The following RTN4IP1 variants were observed in gnomAD, a reference collection of about 807,000 sequenced individuals.
RTN4IP1 encodes reticulon 4 interacting protein 1.
In RTN4IP1, 32 loss-of-function variants were observed where a neutral mutation model predicts 46.6. The observed-to-expected ratio is 0.69, with a 90% CI of 0.52 to 0.92. The LOEUF is 0.92. RTN4IP1 is among the 40% of genes least tolerant of loss of function. The pLI is 0.00. For missense variants in RTN4IP1, 424 were observed against 485.8 expected, an observed-to-expected ratio of 0.87 and a Z score of 1.20; for synonymous variants, 167 against 161.8, an observed-to-expected ratio of 1.03 and a Z score of -0.24.
chr6:106,589,818 A>G (rs2114638462), intron 6 of RTN4IP1, among the ~76,000 whole-genome samples: 1 of 152,352 alleles, frequency 6.6e-6, no homozygotes, highest in East Asian at 1.9e-4. Context: ...AAGCTATCAA[A>G]GAAAAGAAGT....
rs143576513 is a variant in RTN4IP1, at chr6:106,592,199, A to G, written c.771T>C (p.Ser257=). Residue 257 remains serine, a synonymous_variant, in exon 6 of 9, where the codon TCT becomes TCC. Coordinates refer to ENST00000369063, the MANE Select transcript of RTN4IP1 (RefSeq NM_032730.5). The part of the protein sequence containing the change: ...LGADDVIDYK[S]GSVEEQLKSL... ...ATTTCAACTGCTCTTCCACACTTCC[A>G]GATTTGTAATCAATTACATCGTCTG... The G allele has an allele frequency of 6.9e-5, 112 of 1,614,130 alleles. No homozygotes were observed. In the African/African-American group the frequency reaches 1.1e-3, roughly 17 times the overall value.
At chr6:106,595,099 G>A (rs920590253) in intron 5 of RTN4IP1, among the ~76,000 whole-genome samples, 1 of 152,174 alleles carries the variant, frequency 6.6e-6, no homozygotes, top group Non-Finnish European at 1.5e-5. Flanking sequence ...ACTGTGCCCG[G>A]CCTTAAGTCT....
rs182672019 is a variant in RTN4IP1, at chr6:106,609,066, C to T, written c.621-6144G>A. Among the ~76,000 whole-genome samples the T allele has an allele frequency of 3.6e-3, 552 of 152,310 alleles. 3 individuals are homozygous for T. The highest frequency in any genetic ancestry group is 5.8e-3 in the Admixed American group (88 of 15,292). Reference sequence around the variant, plus strand: ...ATGCTATAATTACCTGCTGAGGTCTCCTTTCCCTTGAAGGACCAAGTCCCA... The same window carrying T: ...ATGCTATAATTACCTGCTGAGGTCTTCTTTCCCTTGAAGGACCAAGTCCCA... On this transcript the variant is annotated intron_variant, in intron 4 of 8. Transcript: ENST00000369063.
chr6:106,578,031 C>T (rs893544904), intron 8 of RTN4IP1, among the ~76,000 whole-genome samples: 7 of 152,154 alleles, frequency 4.6e-5, no homozygotes, highest in African/African-American at 1.7e-4. Flanking sequence ...CATATATAAG[C>T]AAATATGTAT....
intron 4 of RTN4IP1, among the ~76,000 whole-genome samples, chr6:106,607,993 A>G (rs1237962324): frequency 6.6e-6 from 1 of 152,218 alleles, no homozygotes; most frequent in African/African-American, 2.4e-5. Flanking sequence ...TATCCAGAGG[A>G]AGGAGAATCA....
chr6:106,615,056 T>C (rs1776315799), intron 4 of RTN4IP1, among the ~76,000 whole-genome samples: 1 of 146,118 alleles, frequency 6.8e-6, no homozygotes, highest in South Asian at 2.2e-4. Flanking sequence ...CTCACTCTCC[T>C]TGCCTCCTCA....
upstream of RTN4IP1, chr6:106,629,800 C>T: frequency 1.4e-6 from 2 of 1,463,402 alleles, no homozygotes; most frequent in Non-Finnish European, 9.3e-7. Context: ...CGCATCTTGG[C>T]CCACCTCGCT....
At chr6:106,590,303 A>G (rs557221529) in intron 6 of RTN4IP1, among the ~76,000 whole-genome samples, 1 of 152,206 alleles carries the variant, frequency 6.6e-6, no homozygotes, top group Admixed American at 6.5e-5. Context: ...CAACAGAGTG[A>G]GACTTCATCT....
At chr6:106,601,524 C>T (rs1187788262) in intron 5 of RTN4IP1, among the ~76,000 whole-genome samples, 1 of 152,102 alleles carries the variant, frequency 6.6e-6, no homozygotes, top group Non-Finnish European at 1.5e-5. Context: ...TTCCAAGACT[C>T]TTTTTTTCCC....
chr6:106,589,712 C>T (rs9384623), intron 6 of RTN4IP1, among the ~76,000 whole-genome samples: 104,096 of 152,034 alleles, frequency 0.68, 37,456 homozygotes, highest in Non-Finnish European at 0.81. Flanking sequence ...GATTCAAATA[C>T]CTAAAAAGCT....
chr6:106,588,691 T>C (rs1012600703), intron 6 of RTN4IP1, among the ~76,000 whole-genome samples: 4 of 152,206 alleles, frequency 2.6e-5, no homozygotes, highest in Non-Finnish European at 2.9e-5. Flanking sequence ...ACTGAGCAAA[T>C]CAGTTGATGA....
intron 8 of RTN4IP1, among the ~76,000 whole-genome samples, chr6:106,580,694 C>T (rs138911997): frequency 3.5e-5 from 5 of 143,676 alleles, no homozygotes; most frequent in South Asian, 2.2e-4. Context: ...ACTCCAGCCT[C>T]GGCGACAGAG....
intron 4 of RTN4IP1, among the ~76,000 whole-genome samples, chr6:106,603,246 G>A (rs550684528): frequency 6.6e-6 from 1 of 152,152 alleles, no homozygotes; most frequent in Admixed American, 6.5e-5. Context: ...AATTGTTAGA[G>A]CTTCCTCTAT....
intron 5 of RTN4IP1, 124 bp from the exon 6 acceptor site, chr6:106,592,424 G>C: frequency 1.0e-6 from 1 of 987,264 alleles, no homozygotes. Flanking sequence ...AGAACTTTAA[G>C]TACGTCATCT....
intron 4 of RTN4IP1, among the ~76,000 whole-genome samples, 186 bp from the exon 5 acceptor site, chr6:106,603,108 C>T (rs1775985539): frequency 1.3e-5 from 2 of 152,140 alleles, no homozygotes; most frequent in Admixed American, 6.5e-5. Context: ...ACTGCAGTTG[C>T]TTAAAATAAA....
intron 1 of RTN4IP1, among the ~76,000 whole-genome samples, chr6:106,623,326 G>C (rs542898867): frequency 6.6e-6 from 1 of 152,168 alleles, no homozygotes; most frequent in African/African-American, 2.4e-5. Flanking sequence ...TAAAGTGGGA[G>C]CTAAATGATG....
intron 5 of RTN4IP1, among the ~76,000 whole-genome samples, chr6:106,600,781 T>C (rs904140707): frequency 1.3e-5 from 2 of 152,166 alleles, no homozygotes; most frequent in East Asian, 3.8e-4. Context: ...TGATATATAA[T>C]ATAGATATAT....
chr6:106,574,167 C>T (rs1179635301), intron 8 of RTN4IP1, among the ~76,000 whole-genome samples: 2 of 152,116 alleles, frequency 1.3e-5, no homozygotes, highest in African/African-American at 4.8e-5. Flanking sequence ...TTTCTCGGCC[C>T]AGTGCAGTGG....
At chr6:106,602,430 C>T (rs1439301079) in intron 5 of RTN4IP1, among the ~76,000 whole-genome samples, 1 of 152,012 alleles carries the variant, frequency 6.6e-6, no homozygotes, top group Non-Finnish European at 1.5e-5. Flanking sequence ...GGCTTTTTAG[C>T]CTGCAAAAAT....
Sources: gnomAD v4.1 joint callset for allele counts (sites outside exome capture counted in the v4.1 genomes callset) on GRCh38, gnomAD v4.1.1 for gene constraint, MANE v1.5 for transcripts, NCBI Gene and HGNC (gene_info 2026-07-23, HGNC 2026-07-21) for gene names.